Variants in HMGN5 observed in about 807,000 individuals in gnomAD.
The protein encoded by HMGN5 is high mobility group nucleosome-binding domain-containing protein 5.
In HMGN5, 4 loss-of-function variants were observed where a neutral mutation model predicts 9.5. The observed-to-expected ratio is 0.42, with a 90% CI of 0.21 to 0.96. HMGN5 has a LOEUF of 0.96. Ranked by LOEUF, HMGN5 falls within the 40% of genes least tolerant of loss-of-function variation. The probability of loss-of-function intolerance (pLI) is 0.30; values close to 1 mark genes in which losing one functional copy is unlikely to be tolerated. For missense variants in HMGN5, 192 were observed against 187.5 expected (o/e 1.02, Z -0.14); for synonymous variants, 55 against 57.1 (o/e 0.96, Z 0.16).
chrX:81,155,457 C>G (rs1262957172), intron 1 of HMGN5, among the ~76,000 whole-genome samples: 2 of 109,098 alleles, frequency 1.8e-5, no homozygotes, highest in Non-Finnish European at 3.8e-5. Flanking sequence ...TAAAGCTGTA[C>G]AGGAATGTTC....
At chrX:81,165,975 A>G (rs958495141) in intron 1 of HMGN5, among the ~76,000 whole-genome samples, 3 of 111,286 alleles carry the variant, frequency 2.7e-5, no homozygotes, top group African/African-American at 9.8e-5. Context: ...AGTTTTCAAC[A>G]TCAGCACCAC....
chrX:81,193,781 C>A (rs1415488641), intron 1 of HMGN5, among the ~76,000 whole-genome samples: 1 of 111,666 alleles, frequency 9.0e-6, no homozygotes, highest in Non-Finnish European at 1.9e-5. Flanking sequence ...GATACAAGGT[C>A]AACATACTAT....
intron 1 of HMGN5, among the ~76,000 whole-genome samples, chrX:81,192,006 A>T (rs943365045): frequency 9.0e-6 from 1 of 111,338 alleles, no homozygotes; most frequent in Admixed American, 9.6e-5. Context: ...GTGTTGTTTC[A>T]TCCAGGGCTT....
At chrX:81,186,028 T>C (rs1266299465) in intron 1 of HMGN5, among the ~76,000 whole-genome samples, 2 of 111,935 alleles carry the variant, frequency 1.8e-5, no homozygotes, top group Non-Finnish European at 3.8e-5. Flanking sequence ...AGTATTTTGT[T>C]GAGTATTTTT....
At chrX:81,153,328 A>T (rs754132046) in intron 1 of HMGN5, among the ~76,000 whole-genome samples, 1 of 105,185 alleles carries the variant, frequency 9.5e-6, no homozygotes, top group African/African-American at 3.5e-5. Flanking sequence ...TGAGGTGGGT[A>T]GATCACTTAA....
chrX:81,122,051 A>G (rs1245184752), intron 1 of HMGN5, among the ~76,000 whole-genome samples: 1 of 112,221 alleles, frequency 8.9e-6, no homozygotes, highest in Non-Finnish European at 1.9e-5. Flanking sequence ...TCCTAGCGGG[A>G]TAAGTGCTTT....
chrX:81,161,980 C>CA (rs1305662931), intron 1 of HMGN5, among the ~76,000 whole-genome samples: 1 of 111,342 alleles, frequency 9.0e-6, no homozygotes, highest in African/African-American at 3.3e-5. Context: ...ATTCTCAAAT[C>CA]AAAAAAGGCT....
intron 1 of HMGN5, among the ~76,000 whole-genome samples, chrX:81,179,147 A>G (rs1163144136): frequency 7.2e-5 from 8 of 111,827 alleles, no homozygotes; most frequent in African/African-American, 9.8e-5. Context: ...GGCACAAGAC[A>G]AGGATGCCCT....
chrX:81,148,446 G>A (rs1394822196), intron 1 of HMGN5, among the ~76,000 whole-genome samples: 1 of 111,604 alleles, frequency 9.0e-6, no homozygotes, highest in Non-Finnish European at 1.9e-5. Context: ...AGCTGAAACT[G>A]GATCCCTTCC....
chrX:81,165,732 A>G (rs1206738594), intron 1 of HMGN5, among the ~76,000 whole-genome samples: 1 of 111,741 alleles, frequency 8.9e-6, no homozygotes, highest in Non-Finnish European at 1.9e-5. Context: ...ATAGCCCACT[A>G]TGTTTGAATG....
chrX:81,201,382 T>A (rs2075526497), intron 1 of HMGN5, among the ~76,000 whole-genome samples: 1 of 110,966 alleles, frequency 9.0e-6, no homozygotes, highest in African/African-American at 3.3e-5. Flanking sequence ...TTCTCCCAAA[T>A]CCCTTACTTC....
At chrX:81,161,366 T>C (rs1486598126) in intron 1 of HMGN5, among the ~76,000 whole-genome samples, 1 of 111,319 alleles carries the variant, frequency 9.0e-6, no homozygotes, top group African/African-American at 3.3e-5. Flanking sequence ...TATCCCCTAG[T>C]CTTTGAGTAT....
intron 1 of HMGN5, among the ~76,000 whole-genome samples, chrX:81,156,551 T>C (rs992094009): frequency 4.5e-5 from 5 of 111,851 alleles, no homozygotes; most frequent in Non-Finnish European, 9.4e-5. Flanking sequence ...AAATAATCTC[T>C]GTATTCCCTT....
intron 1 of HMGN5, among the ~76,000 whole-genome samples, chrX:81,137,115 T>C (rs1282775550): frequency 1.8e-5 from 2 of 111,369 alleles, no homozygotes. Flanking sequence ...TCCCCAGCTA[T>C]ACTTGTGGAT....
chrX:81,196,555 T>A (rs774457776), intron 1 of HMGN5, among the ~76,000 whole-genome samples: 1 of 109,390 alleles, frequency 9.1e-6, no homozygotes, highest in East Asian at 2.9e-4. Context: ...GTTTTTTGTT[T>A]TTGTTTTGTT....
chrX:81,119,721 G>T, intron 3 of HMGN5, 67 bp downstream of exon 3: 3 of 940,384 alleles, frequency 3.2e-6, no homozygotes, highest in Non-Finnish European at 4.6e-6. Context: ...CTATTTTTTA[G>T]CTGCTTATGT....
chrX:81,179,499 T>C (rs1381545123), intron 1 of HMGN5, among the ~76,000 whole-genome samples: 1 of 111,318 alleles, frequency 9.0e-6, no homozygotes, highest in South Asian at 3.8e-4. Context: ...TTACAAGGGA[T>C]GTGAAGGACC....
At chrX:81,147,206 T>G (rs1300032847) in intron 1 of HMGN5, among the ~76,000 whole-genome samples, 1 of 111,577 alleles carries the variant, frequency 9.0e-6, no homozygotes. Flanking sequence ...TAGAAAATTA[T>G]AGGACAGTAC....
At chrX:81,158,292 G>A (rs1223697811) in intron 1 of HMGN5, among the ~76,000 whole-genome samples, 1 of 111,899 alleles carries the variant, frequency 8.9e-6, no homozygotes, top group African/African-American at 3.2e-5. Flanking sequence ...CACCAACAAT[G>A]TAAAAGTGTT....
Sources: gnomAD v4.1 joint callset for allele counts (sites outside exome capture counted in the v4.1 genomes callset) on GRCh38, gnomAD v4.1.1 for gene constraint, MANE v1.5 for transcripts, NCBI Gene and HGNC (gene_info 2026-07-23, HGNC 2026-07-21) for gene names.